NUDT6: variants seen among roughly 807,000 people sequenced by gnomAD.
NUDT6 encodes FAD diphosphatase NUDT6.
Under a neutral mutation model 36.8 loss-of-function variants are expected in NUDT6, and 24 were observed. The ratio of observed to expected loss-of-function variants is 0.65; its 90% CI spans 0.47 to 0.92. The LOEUF (loss-of-function observed/expected upper bound fraction) is 0.92. Among genes scored for constraint, NUDT6 ranks in the 40% least tolerant of loss-of-function variants. NUDT6 has a pLI of 0.00. For synonymous variants in NUDT6, 163 were observed against 157.0 expected (o/e 1.04, Z -0.29); for missense variants, 388 against 392.8 (o/e 0.99, Z 0.10).
At chr4:122,907,296 A>G (rs1316871908) in intron 3 of NUDT6, among the ~76,000 whole-genome samples, 1 of 150,488 alleles carries the variant, frequency 6.6e-6, no homozygotes, top group Non-Finnish European at 1.5e-5. Flanking sequence ...ATGCCCTGCT[A>G]ATTTTTGTGT....
At chr4:122,906,062 A>C (rs980421825) in intron 3 of NUDT6, among the ~76,000 whole-genome samples, 5 of 152,194 alleles carry the variant, frequency 3.3e-5, no homozygotes, top group African/African-American at 1.2e-4. Context: ...CCATTCACTC[A>C]GGGTCGCAGG....
chr4:122,904,257 A>G (rs1425395496), intron 3 of NUDT6, among the ~76,000 whole-genome samples: 1 of 152,134 alleles, frequency 6.6e-6, no homozygotes, highest in Non-Finnish European at 1.5e-5. Flanking sequence ...TTTTCACTAG[A>G]AGTCCTATAC....
intron 2 of NUDT6, among the ~76,000 whole-genome samples, chr4:122,915,813 G>A (rs1177280457): frequency 6.6e-6 from 1 of 152,138 alleles, no homozygotes; most frequent in Non-Finnish European, 1.5e-5. Flanking sequence ...CTAAATTATT[G>A]AGTAGAATCT....
chr4:122,910,576 A>G (rs1258818486), intron 3 of NUDT6, among the ~76,000 whole-genome samples: 4 of 147,232 alleles, frequency 2.7e-5, no homozygotes, highest in Non-Finnish European at 4.5e-5. Context: ...TTTATTTGAC[A>G]AAATCACTTC....
intron 2 of NUDT6, chr4:122,913,410 CACCTCTTAAT>C (rs1482912347): frequency 6.6e-6 from 1 of 152,160 alleles, no homozygotes; most frequent in African/African-American, 2.4e-5. Context: ...CCAAAGGCCC[CACCTCTTAAT>C]ACCATCACAT....
intron 1 of NUDT6, chr4:122,918,145 AT>A (rs1727886829): frequency 6.4e-6 from 1 of 155,292 alleles, no homozygotes; most frequent in South Asian, 2.0e-4. Context: ...TAATGTATAA[AT>A]TTCAAGGTAG....
chr4:122,903,734 G>A (rs1175127811), intron 3 of NUDT6, among the ~76,000 whole-genome samples: 1 of 152,170 alleles, frequency 6.6e-6, no homozygotes, highest in Non-Finnish European at 1.5e-5. Flanking sequence ...CTGTGTGCTC[G>A]TGGTTCCTGT....
At chr4:122,894,134 C>A (rs1394246865) in intron 4 of NUDT6, 1 of 152,192 alleles carries the variant, frequency 6.6e-6, no homozygotes, top group Non-Finnish European at 1.5e-5. Flanking sequence ...CCTGGATATG[C>A]TCTTGTTTTT....
At chr4:122,915,643 T>C (rs968108816) in intron 2 of NUDT6, among the ~76,000 whole-genome samples, 11 of 152,188 alleles carry the variant, frequency 7.2e-5, no homozygotes, top group African/African-American at 2.7e-4. Context: ...AACTATAATG[T>C]ACAATATACA....
intron 3 of NUDT6, among the ~76,000 whole-genome samples, chr4:122,900,915 T>C (rs537967158): frequency 6.6e-6 from 1 of 152,296 alleles, no homozygotes; most frequent in East Asian, 1.9e-4. Context: ...ATTCTTTCTT[T>C]CCAGTATATT....
At chr4:122,899,044 A>ATTTTTTTTTTTTTTTTTTTTTT (rs113708696) in intron 3 of NUDT6, among the ~76,000 whole-genome samples, 846 of 69,330 alleles carry the variant, frequency 0.012, 235 homozygotes, top group Non-Finnish European at 0.014. Context: ...ACCACACCTA[A>ATTTTTTTTTTTTTTTTTTTTTT]TTTTTTTTTT....
chr4:122,914,910 G>A (rs890210899), intron 2 of NUDT6, among the ~76,000 whole-genome samples: 3 of 152,082 alleles, frequency 2.0e-5, no homozygotes, highest in African/African-American at 7.2e-5. Context: ...TTACATACAT[G>A]ATATAATAGA....
intron 3 of NUDT6, among the ~76,000 whole-genome samples, chr4:122,905,087 T>C (rs4305530): frequency 0.16 from 24,407 of 152,084 alleles, 2,389 homozygotes; most frequent in African/African-American, 0.27. Context: ...AGCTTTTATT[T>C]CCTTATTTGT....
At chr4:122,912,729 AG>A in intron 2 of NUDT6, 106 bp from the exon 3 acceptor site, 2 of 714,904 alleles carry the variant, frequency 2.8e-6, no homozygotes, top group Non-Finnish European at 4.9e-6. Context: ...CCATACTTGA[AG>A]CCTTGGTTCA....
At chr4:122,897,245 A>T (rs1460026519) in intron 4 of NUDT6, 1 of 181,422 alleles carries the variant, frequency 5.5e-6, no homozygotes. Flanking sequence ...ATCCTCTGTG[A>T]TGGAATGGTC....
chr4:122,913,128 C>G (rs1727763905), intron 2 of NUDT6: 2 of 154,516 alleles, frequency 1.3e-5, no homozygotes, highest in Admixed American at 6.4e-5. Flanking sequence ...ACACTAAGTG[C>G]CTGTCTTAGT....
Position 122,917,542 on chromosome 4 carries a change from C to A in NUDT6, c.401G>T (p.Ser134Ile). Residue 134 changes from serine (S) to isoleucine (I), a missense_variant, in exon 2 of 5, where the codon AGC becomes ATC. Ser to Ile is a moderately radical substitution (Grantham distance 142). Coordinates refer to ENST00000304430, the MANE Select transcript of NUDT6 (RefSeq NM_007083.5). The stretch of plus-strand genomic sequence containing the variant: ...ATGTGAAGCATATCCTGGTAATCTG[C>A]TGGGCCCTTCTCTCAGCCACAGAGT... ...TLTLWLREGP[S>I]RLPGYASHQV... The A allele has an allele frequency of 6.2e-7, 1 of 1,614,188 alleles. No individual in the cohort carries two copies. The highest frequency in any genetic ancestry group is 8.5e-7 in the Non-Finnish European group (1 of 1,180,036).
chr4:122,921,558 T>A (rs1727994805), intron 1 of NUDT6: 1 of 127,620 alleles, frequency 7.8e-6, no homozygotes, highest in African/African-American at 3.0e-5. Flanking sequence ...ATCCTACCAC[T>A]GCACTCTAGC....
intron 1 of NUDT6, chr4:122,918,859 G>A (rs1727906550): frequency 6.6e-6 from 1 of 152,202 alleles, no homozygotes; most frequent in South Asian, 2.1e-4. Flanking sequence ...AAAGTGAAAT[G>A]TACAAATCTT....
Sources: gnomAD v4.1 joint callset for allele counts (sites outside exome capture counted in the v4.1 genomes callset) on GRCh38, gnomAD v4.1.1 for gene constraint, MANE v1.5 for transcripts, NCBI Gene and HGNC (gene_info 2026-07-23, HGNC 2026-07-21) for gene names.